The following SPOCK3 variants were observed in gnomAD, a reference collection of about 807,000 sequenced individuals.
The protein encoded by SPOCK3 is SPARC (osteonectin), cwcv and kazal like domains proteoglycan 3.
In SPOCK3, 30 loss-of-function variants were observed where a neutral mutation model predicts 56.6. The ratio of observed to expected loss-of-function variants is 0.53; its 90% confidence interval spans 0.40 to 0.72. SPOCK3 has a LOEUF of 0.72. SPOCK3 is among the 30% of genes least tolerant of loss of function. The pLI, the probability that SPOCK3 is intolerant of heterozygous loss-of-function variation, is 0.00. For synonymous variants in SPOCK3, 196 were observed against 183.3 expected (o/e 1.07, Z -0.56); for missense variants, 527 against 530.0 (o/e 0.99, Z 0.06).
chr4:167,004,788 AATAAG>A (rs1379636318), intron 3 of SPOCK3, among the ~76,000 whole-genome samples: 2 of 152,194 alleles, frequency 1.3e-5, no homozygotes, highest in African/African-American at 4.8e-5. Context: ...CTGAACAATA[AATAAG>A]ATATTTGGTG....
In SPOCK3 at chr4:167,215,659, T is replaced by C. The variant is rs372531614; in HGVS notation, c.189+18326A>G. Among the ~76,000 whole-genome samples, 111 of 152,268 alleles carry C rather than the reference T, an allele frequency of 7.3e-4. 4 individuals carry two copies. The South Asian group carries it at 0.023, about 31-fold the overall frequency. ...ACAAGGATCCGAAAGCAAATATGGT[T>C]TGGAGGCAGGTAGTGAAGAGATTTT... On this transcript the variant is annotated intron_variant, in intron 2 of 10. Transcript: ENST00000357545.
chr4:167,092,911 T>C (rs972750579), intron 2 of SPOCK3, among the ~76,000 whole-genome samples: 5 of 152,154 alleles, frequency 3.3e-5, no homozygotes, highest in Non-Finnish European at 5.9e-5. Flanking sequence ...TAATGTCAAA[T>C]AAATAATAGC....
chr4:167,207,176 G>C (rs1034001827), intron 2 of SPOCK3, among the ~76,000 whole-genome samples: 2 of 151,978 alleles, frequency 1.3e-5, no homozygotes, highest in African/African-American at 4.8e-5. Context: ...AATTACCTGA[G>C]AATGCATAGG....
chr4:167,030,672 T>C (rs1289939364), intron 3 of SPOCK3, among the ~76,000 whole-genome samples: 1 of 152,054 alleles, frequency 6.6e-6, no homozygotes, highest in Non-Finnish European at 1.5e-5. Context: ...AGGATAGACA[T>C]GTCATTTAAA....
At chr4:167,050,987 G>C (rs1408658322) in intron 3 of SPOCK3, among the ~76,000 whole-genome samples, 5 of 152,118 alleles carry the variant, frequency 3.3e-5, no homozygotes, top group African/African-American at 4.8e-5. Context: ...GATGAAAAGA[G>C]TCCTGGAGAT....
chr4:166,795,540 T>C (rs573476277), intron 6 of SPOCK3, among the ~76,000 whole-genome samples: 53 of 152,214 alleles, frequency 3.5e-4, no homozygotes, highest in African/African-American at 1.1e-3. Context: ...CCGATTTACT[T>C]TAAAATTGGC....
intron 3 of SPOCK3, among the ~76,000 whole-genome samples, chr4:167,055,584 G>A (rs749050619): frequency 5.9e-5 from 9 of 152,150 alleles, no homozygotes; most frequent in Non-Finnish European, 8.8e-5. Context: ...CTGGAAAATC[G>A]GGTCACTCTC....
chr4:166,874,490 T>A (rs1297400571), intron 6 of SPOCK3, among the ~76,000 whole-genome samples: 1 of 152,218 alleles, frequency 6.6e-6, no homozygotes, highest in Non-Finnish European at 1.5e-5. Context: ...TATCTGTGTA[T>A]TCAATTTGAT....
rs564167627 is a variant in SPOCK3, at chr4:166,801,661, A to T, written c.590-9372T>A. On this transcript the variant is annotated intron_variant, in intron 6 of 10. Transcript: ENST00000357545. ...ACAACTCGTTTCTGTAATATACAAA[A>T]TTTAAATTCCAGAAAATATTTCAAA... 1.9e-3 allele frequency among the ~76,000 whole-genome samples: 295 copies of T among 152,270 alleles called. 4 individuals are homozygous for T. The highest frequency in any genetic ancestry group is 8.8e-4 in the Non-Finnish European group (60 of 68,004).
chr4:166,881,261 G>T (rs1733658086), intron 6 of SPOCK3, among the ~76,000 whole-genome samples: 2 of 151,620 alleles, frequency 1.3e-5, no homozygotes, highest in African/African-American at 4.8e-5. Flanking sequence ...CTTGCAAAAT[G>T]TCTAAAGTTT....
In SPOCK3 at chr4:166,899,258, C is replaced by CTATG. The variant is rs1491310064; in HGVS notation, c.475-10015_475-10014insCATA. Among the ~76,000 whole-genome samples, 3 of 116,136 alleles carry CTATG rather than the reference C, an allele frequency of 2.6e-5. No individual in the cohort carries two copies. The Admixed American group carries it at 2.8e-4, about 11-fold the overall frequency. 76.2% of individuals were successfully genotyped at this position (116,136 alleles called of 152,430 possible). On this transcript the variant is annotated intron_variant, in intron 5 of 10. Transcript: ENST00000357545. ...AATCTCCTCATATCTATCTATCTAT[C>CTATG]TATCTATCTATCTATCTATCTATCT...
At chr4:166,774,876 G>A (rs1256865556) in intron 7 of SPOCK3, among the ~76,000 whole-genome samples, 1 of 152,104 alleles carries the variant, frequency 6.6e-6, no homozygotes, top group Non-Finnish European at 1.5e-5. Context: ...CACCTTTGCT[G>A]TCTTTACTCT....
intron 6 of SPOCK3, among the ~76,000 whole-genome samples, chr4:166,806,802 C>T (rs1743210896): frequency 6.6e-6 from 1 of 151,804 alleles, no homozygotes; most frequent in Non-Finnish European, 1.5e-5. Flanking sequence ...TAGTAGTCCC[C>T]CAAGTTTATT....
At chr4:167,195,856 C>T (rs1296217740) in intron 2 of SPOCK3, among the ~76,000 whole-genome samples, 1 of 152,148 alleles carries the variant, frequency 6.6e-6, no homozygotes, top group African/African-American at 2.4e-5. Context: ...CAACCGAATA[C>T]CTGAGTCCCA....
intron 6 of SPOCK3, among the ~76,000 whole-genome samples, chr4:166,874,451 ATTAT>A (rs569409897): frequency 2.6e-4 from 40 of 152,210 alleles, no homozygotes; most frequent in Admixed American, 1.6e-3. Context: ...AGTAGAATTG[ATTAT>A]TTATATAACG....
chr4:167,161,582 C>T (rs867106665), intron 2 of SPOCK3, among the ~76,000 whole-genome samples: 1 of 152,150 alleles, frequency 6.6e-6, no homozygotes, highest in Admixed American at 6.6e-5. Context: ...TATAAAGGCA[C>T]ACGCTCACGT....
intron 4 of SPOCK3, among the ~76,000 whole-genome samples, chr4:166,932,484 A>G (rs1251536427): frequency 6.6e-6 from 1 of 152,148 alleles, no homozygotes; most frequent in South Asian, 2.1e-4. Flanking sequence ...TAGATAATTT[A>G]TCTTTGATAT....
In SPOCK3 at chr4:166,912,733, C is replaced by G. The variant is rs1219399101; in HGVS notation, c.361G>C (p.Ala121Pro). Residue 121 changes from alanine to proline, a missense_variant, in exon 5 of 11, where the codon GCA becomes CCA. Coordinates refer to ENST00000357545, the MANE Select transcript of SPOCK3 (RefSeq NM_001040159.2). ...CTCCACTGCCTATGGTCTACTCCTG[C>G]TTCTTTCATCCTGTTAAAAAAATAA... is the stretch of plus-strand genomic sequence containing the variant. The part of the protein sequence containing the change: ...HRRLTHRMKE[A>P]GVDHRQWRGP... The G allele has an allele frequency of 1.3e-6, 2 of 1,599,040 alleles. No individual in the cohort carries two copies. Among genetic ancestry groups the G allele is most frequent in the Admixed American group, 3.6e-5 (2 of 56,240 alleles).
intron 2 of SPOCK3, among the ~76,000 whole-genome samples, chr4:167,115,116 C>A (rs899751288): frequency 1.4e-4 from 21 of 151,906 alleles, no homozygotes; most frequent in Admixed American, 3.3e-4. Context: ...TAGATTCAAC[C>A]AGAGAGTGGG....
Sources: allele counts gnomAD v4.1 joint callset (sites outside exome capture counted in the v4.1 genomes callset), GRCh38; gene constraint gnomAD v4.1.1; transcripts MANE v1.5; gene names NCBI Gene and HGNC (gene_info 2026-07-23, HGNC 2026-07-21).